Variants in SEMA6A observed in about 807,000 individuals in gnomAD.
SEMA6A encodes the protein semaphorin 6A.
In SEMA6A, 25 loss-of-function variants were observed where a neutral mutation model predicts 96.8. The observed-to-expected ratio is 0.26, with a 90% confidence interval of 0.19 to 0.36. SEMA6A has a LOEUF of 0.36. Among genes scored for constraint, SEMA6A ranks in the 10% least tolerant of loss-of-function variants. The pLI, the probability that SEMA6A is intolerant of heterozygous loss-of-function variation, is 1.00. For synonymous variants in SEMA6A, 612 were observed against 518.0 expected, an observed-to-expected ratio of 1.18 and a Z score of -2.46; for missense variants, 1,363 against 1,323.1, an observed-to-expected ratio of 1.03 and a Z score of -0.47.
chr5:116,475,789 T>C (rs1159164606), intron 15 of SEMA6A, among the ~76,000 whole-genome samples, 186 bp from the exon 16 acceptor site: 3 of 152,188 alleles, frequency 2.0e-5, no homozygotes, highest in South Asian at 2.1e-4. Flanking sequence ...TAGGTGACTC[T>C]CCAAAGAGAA....
chr5:116,471,303 G>C (rs1756128749), intron 17 of SEMA6A: 1 of 152,124 alleles, frequency 6.6e-6, no homozygotes, highest in Admixed American at 6.5e-5. Context: ...ACATAGCTTA[G>C]GTAGTGATTT....
At chr5:116,542,597 C>T (rs765656167) in intron 1 of SEMA6A, among the ~76,000 whole-genome samples, 6 of 152,102 alleles carry the variant, frequency 3.9e-5, no homozygotes, top group Non-Finnish European at 7.4e-5. Context: ...AATTTAGAAA[C>T]CCAAAAAAGT....
intron 15 of SEMA6A, 101 bp downstream of exon 15, chr5:116,477,745 G>A: frequency 8.4e-7 from 1 of 1,194,062 alleles, no homozygotes; most frequent in Non-Finnish European, 1.2e-6. Context: ...AGTTTGCACA[G>A]AAAGCTGTGT....
chr5:116,486,562 C>T, intron 10 of SEMA6A, 187 bp downstream of exon 10: 1 of 557,920 alleles, frequency 1.8e-6, no homozygotes, highest in African/African-American at 1.9e-5. Flanking sequence ...TCCCCTAAAA[C>T]CTAACTTAAT....
intron 15 of SEMA6A, among the ~76,000 whole-genome samples, chr5:116,476,385 GTTTA>G (rs1245239046): frequency 1.3e-5 from 2 of 152,164 alleles, no homozygotes; most frequent in Admixed American, 6.5e-5. Flanking sequence ...TGCTTTCAGA[GTTTA>G]TTTATGAGCC....
Position 116,502,266 on chromosome 5 carries a change from G to A in SEMA6A, c.162C>T (p.His54=), listed in dbSNP as rs757191747. The A allele has an allele frequency of 6.2e-7, 1 of 1,613,984 alleles. No homozygotes were observed. The highest frequency in any genetic ancestry group is 8.5e-7 in the Non-Finnish European group (1 of 1,179,876). ...TCATAATCATCTGGATGTCCAGCCT[G>A]TGCCTCTGTGTGGTGTTCCGTCCTG... The part of the protein sequence containing the change: ...HKPGRNTTQR[H]RLDIQMIMIM... The change falls in exon 3 of 19, where the codon CAC becomes CAT. Residue 54 remains histidine (H), a synonymous_variant. Transcript: ENST00000343348.
chr5:116,516,840 TG>T (rs1758688707), intron 1 of SEMA6A, among the ~76,000 whole-genome samples: 1 of 152,214 alleles, frequency 6.6e-6, no homozygotes, highest in African/African-American at 2.4e-5. Flanking sequence ...CTCTACCACT[TG>T]ATGACTTGAC....
At chr5:116,508,400 T>C (rs1193925797) in intron 1 of SEMA6A, 2 of 151,898 alleles carry the variant, frequency 1.3e-5, no homozygotes, top group African/African-American at 4.8e-5. Context: ...AGAGAATGAG[T>C]CCATCAATTG....
At chr5:116,557,123 T>C (rs1760637271) in intron 1 of SEMA6A, among the ~76,000 whole-genome samples, 1 of 152,258 alleles carries the variant, frequency 6.6e-6, no homozygotes, top group Admixed American at 6.5e-5. Context: ...AGGTTTGTAA[T>C]AGAAAAATGT....
intron 1 of SEMA6A, among the ~76,000 whole-genome samples, chr5:116,516,554 T>C (rs1464580218): frequency 6.6e-6 from 1 of 152,184 alleles, no homozygotes; most frequent in East Asian, 1.9e-4. Context: ...ATGTAAAAAG[T>C]GACTCATTAG....
intron 1 of SEMA6A, among the ~76,000 whole-genome samples, chr5:116,558,414 G>A (rs1013123059): frequency 2.0e-5 from 3 of 151,320 alleles, no homozygotes; most frequent in East Asian, 1.9e-4. Context: ...TTTAAGCCCC[G>A]CATGCTTTAG....
At chr5:116,533,551 C>CTT (rs1759580142) in intron 1 of SEMA6A, among the ~76,000 whole-genome samples, 1 of 152,146 alleles carries the variant, frequency 6.6e-6, no homozygotes, top group African/African-American at 2.4e-5. Context: ...TATCAGCATA[C>CTT]TTTTCTCTGG....
intron 9 of SEMA6A, 55 bp from the exon 10 acceptor site, chr5:116,487,021 CT>C: frequency 1.5e-6 from 2 of 1,297,998 alleles, no homozygotes. Context: ...GCAAGGAGAT[CT>C]TAGTAGAATC....
At chr5:116,480,974 G>A (rs892208718) in intron 11 of SEMA6A, among the ~76,000 whole-genome samples, 1 of 152,130 alleles carries the variant, frequency 6.6e-6, no homozygotes, top group African/African-American at 2.4e-5. Context: ...TCAGATTAGG[G>A]AAACACTGAA....
intron 1 of SEMA6A, chr5:116,562,583 GA>G: frequency 1.1e-5 from 7 of 646,166 alleles, no homozygotes; most frequent in Admixed American, 2.0e-5. Context: ...AAAGGGGAAG[GA>G]AAAGGAAGAA....
chr5:116,554,780 C>A (rs1389599042), intron 1 of SEMA6A: 1 of 152,036 alleles, frequency 6.6e-6, no homozygotes, highest in South Asian at 2.1e-4. Flanking sequence ...AACCAAAAAT[C>A]TCTGGCTATG....
chr5:116,526,733 C>A (rs1759246744), intron 1 of SEMA6A, among the ~76,000 whole-genome samples: 1 of 152,146 alleles, frequency 6.6e-6, no homozygotes, highest in Non-Finnish European at 1.5e-5. Context: ...TTTTTAAAGG[C>A]CTTAGTGCTA....
In SEMA6A at chr5:116,556,171, A is replaced by G. The variant is rs545262327; in HGVS notation, c.-39+18014T>C. 6.6e-5 allele frequency among the ~76,000 whole-genome samples: 10 copies of G among 152,340 alleles called. No homozygotes were observed. In the South Asian group the frequency reaches 2.1e-3, roughly 32 times the overall value. On this transcript the variant is annotated intron_variant, in intron 1 of 18. Transcript: ENST00000343348. ...TAATGCCTTATTTAATATTTTAGAA[A>G]TATCCAATAAGATCTAATTTAGCAC...
At chr5:116,570,219 A>T (rs952576430) in intron 1 of SEMA6A, among the ~76,000 whole-genome samples, 1 of 152,212 alleles carries the variant, frequency 6.6e-6, no homozygotes, top group Non-Finnish European at 1.5e-5. Flanking sequence ...AGAGGCAACC[A>T]TGTGGTCGCC....
Sources: allele counts gnomAD v4.1 joint callset (sites outside exome capture counted in the v4.1 genomes callset), GRCh38; gene constraint gnomAD v4.1.1; transcripts MANE v1.5; gene names NCBI Gene and HGNC (gene_info 2026-07-23, HGNC 2026-07-21).